The following ABI3BP variants were observed in gnomAD, a reference collection of about 807,000 sequenced individuals.
The protein encoded by ABI3BP is ABI family member 3 binding protein.
A neutral mutation model predicts 268.6 loss-of-function variants in ABI3BP; 216 were observed. The ratio of observed to expected loss-of-function variants is 0.80; its 90% CI spans 0.72 to 0.90. ABI3BP has a LOEUF of 0.90. Among genes scored for constraint, ABI3BP ranks in the 40% least tolerant of loss-of-function variants. The pLI is 0.00. For missense variants in ABI3BP, 2,090 were observed against 2,182.4 expected (o/e 0.96, Z 0.84); for synonymous variants, 730 against 730.0 (o/e 1.00, Z 0.00).
intron 19 of ABI3BP, 71 bp from the exon 20 acceptor site, chr3:100,846,517 G>A: frequency 1.8e-6 from 2 of 1,098,524 alleles, no homozygotes; most frequent in Non-Finnish European, 2.6e-6. Context: ...AAACACAGAA[G>A]GAAAACCTAG....
intron 57 of ABI3BP, among the ~76,000 whole-genome samples, chr3:100,780,439 G>A (rs2096834929): frequency 6.6e-6 from 1 of 152,056 alleles, no homozygotes; most frequent in African/African-American, 2.4e-5. Context: ...GTAAATTGTG[G>A]TTTTGTCCAA....
At chr3:100,957,821 T>A (rs2077355595) in intron 1 of ABI3BP, among the ~76,000 whole-genome samples, 1 of 152,200 alleles carries the variant, frequency 6.6e-6, no homozygotes, top group Non-Finnish European at 1.5e-5. Context: ...GTGAGGTACT[T>A]AGTGTAACTG....
chr3:100,964,312 T>C (rs567370592), intron 1 of ABI3BP, among the ~76,000 whole-genome samples: 10 of 152,324 alleles, frequency 6.6e-5, no homozygotes, highest in African/African-American at 2.4e-4. Flanking sequence ...ACCAGCCTTC[T>C]TTGGGCACTA....
rs1396543469 is a variant in ABI3BP at position 100,751,549 on chromosome 3, T to TA, written c.5245+2dup. The TA allele has an allele frequency of 3.2e-6, 5 of 1,584,288 alleles. No individual in the cohort carries two copies. The highest frequency in any genetic ancestry group is 4.3e-6 in the Non-Finnish European group (5 of 1,164,054). ...TTCTTATGAGGAGGATCAGAAAACATACCTTCTTTGATTGGTAACTGGTCA... is the reference window on the plus strand; with the variant it reads ...TTCTTATGAGGAGGATCAGAAAACATAACCTTCTTTGATTGGTAACTGGTCA... On this transcript the variant is annotated splice_region_variant and intron_variant, in intron 67 of 67. Transcript: ENST00000471714.
intron 6 of ABI3BP, among the ~76,000 whole-genome samples, chr3:100,881,411 TAA>T (rs2039190662): frequency 6.6e-6 from 1 of 152,134 alleles, no homozygotes; most frequent in Non-Finnish European, 1.5e-5. Context: ...ATAAAAAAGA[TAA>T]AAATAGATGT....
chr3:100,803,913 A>T (rs1311487850), intron 51 of ABI3BP, among the ~76,000 whole-genome samples: 2 of 152,192 alleles, frequency 1.3e-5, no homozygotes, highest in Non-Finnish European at 2.9e-5. Flanking sequence ...GGAAAACATT[A>T]TAGGAAGTGA....
chr3:100,759,124 T>C (rs9856442), intron 63 of ABI3BP, among the ~76,000 whole-genome samples: 7,720 of 152,232 alleles, frequency 0.051, 572 homozygotes, highest in African/African-American at 0.17. Context: ...GTCTTACAAA[T>C]CTCAAGCAAA....
At chr3:100,885,172 A>G (rs2041340553) in intron 6 of ABI3BP, among the ~76,000 whole-genome samples, 1 of 152,102 alleles carries the variant, frequency 6.6e-6, no homozygotes, top group Non-Finnish European at 1.5e-5. Flanking sequence ...AGAAAATAGA[A>G]AGGAAAGGTT....
chr3:100,828,282 G>T, intron 34 of ABI3BP, 111 bp downstream of exon 34: 3 of 921,116 alleles, frequency 3.3e-6, no homozygotes, highest in Non-Finnish European at 4.9e-6. Flanking sequence ...CTTGTTTTAT[G>T]CATGTTCAAC....
intron 64 of ABI3BP, 70 bp from the exon 65 acceptor site, chr3:100,753,918 G>T: frequency 6.9e-7 from 1 of 1,445,920 alleles, no homozygotes; most frequent in South Asian, 1.2e-5. Context: ...GCATGGTGAA[G>T]ATGATGGGGG....
In ABI3BP at chr3:100,811,212, G is replaced by A. The variant is rs1304936752; in HGVS notation, c.3541+18C>T. 2 of 1,530,458 alleles carry A rather than the reference G, an allele frequency of 1.3e-6. No homozygotes were observed. The highest frequency in any genetic ancestry group is 2.8e-5 in the African/African-American group (2 of 72,692). 94.8% of individuals were successfully genotyped at this position (1,530,458 alleles called of 1,614,324 possible). A position where few individuals can be genotyped will look rare whatever the true frequency, so the allele number is the denominator to read the frequency against. ...TGAAGACAGAGAGCACCCAGGGTTG[G>A]GCTACCGAGGTTATTACCTAGTGTG... On this transcript the variant is annotated intron_variant, in intron 48 of 67. Coordinates refer to ENST00000471714, the MANE Select transcript of ABI3BP (RefSeq NM_001375547.2).
chr3:100,795,916 T>C, intron 52 of ABI3BP, 65 bp from the exon 53 acceptor site: 1 of 1,154,648 alleles, frequency 8.7e-7, no homozygotes, highest in Non-Finnish European at 1.1e-6. Context: ...GTCAAAATAG[T>C]TTCCTTATTT....
In ABI3BP at chr3:100,811,254, A is replaced by G; in HGVS notation, c.3517T>C (p.Ser1173Pro). The change falls in exon 48 of 68, where the codon TCT (serine) becomes CCT (proline). Residue 1173 changes from serine (S) to proline (P), a missense_variant. Ser to Pro is a moderately conservative substitution (Grantham distance 74). Transcript: ENST00000471714. ...TEVVESITYV[S>P]EPPETTLETS... Reference sequence around the variant, plus strand: ...CCTAGTGTGGTCTCAGGTGGTTCAGATACATATGTAATAGATTCCACAACT... The same window carrying G: ...CCTAGTGTGGTCTCAGGTGGTTCAGGTACATATGTAATAGATTCCACAACT... 6.5e-7 allele frequency: 1 copy of G among 1,534,336 alleles called. No homozygotes were observed. The highest frequency in any genetic ancestry group is 8.7e-7 in the Non-Finnish European group (1 of 1,145,884).
intron 14 of ABI3BP, among the ~76,000 whole-genome samples, chr3:100,861,438 A>T (rs768448082): frequency 6.6e-6 from 1 of 152,194 alleles, no homozygotes; most frequent in African/African-American, 2.4e-5. Flanking sequence ...ACACTATATG[A>T]TATGTACCCC....
chr3:100,852,123 G>C (rs549455074), intron 14 of ABI3BP, among the ~76,000 whole-genome samples, 183 bp from the exon 15 acceptor site: 1 of 152,244 alleles, frequency 6.6e-6, no homozygotes, highest in Admixed American at 6.5e-5. Flanking sequence ...ACTCGCCTTT[G>C]GTCCTTTTTT....
chr3:100,820,215 T>C lies in ABI3BP; in HGVS notation c.3031+5A>G. The C allele has an allele frequency of 1.3e-6, 2 of 1,535,390 alleles. No homozygotes were observed. The highest frequency in any genetic ancestry group is 1.2e-5 in the South Asian group (1 of 83,974). On this transcript the variant is annotated splice_donor_5th_base_variant and intron_variant, in intron 40 of 67. Transcript: ENST00000471714. ...GAGCTACTTTAACCAGAAACCCAAATTTACCCAGTTTGGTTTGAGGAACCT... is the reference window on the plus strand; with the variant it reads ...GAGCTACTTTAACCAGAAACCCAAACTTACCCAGTTTGGTTTGAGGAACCT...
At chr3:100,842,912 A>G (rs1326027909) in intron 20 of ABI3BP, among the ~76,000 whole-genome samples, 2 of 152,238 alleles carry the variant, frequency 1.3e-5, no homozygotes, top group African/African-American at 4.8e-5. Flanking sequence ...AAAGAAACTA[A>G]TCAATGTGGC....
chr3:100,878,753 C>T (rs1247421425), intron 6 of ABI3BP, among the ~76,000 whole-genome samples: 2 of 152,318 alleles, frequency 1.3e-5, no homozygotes, highest in Non-Finnish European at 2.9e-5. Context: ...CTCACGAGCC[C>T]ACCTTAAGAG....
intron 8 of ABI3BP, among the ~76,000 whole-genome samples, chr3:100,875,154 CCA>C (rs1315819136): frequency 2.0e-5 from 3 of 152,152 alleles, no homozygotes; most frequent in Non-Finnish European, 4.4e-5. Context: ...GGCTTTTAAT[CCA>C]CAGACTCAAA....
Sources: allele counts gnomAD v4.1 joint callset (sites outside exome capture counted in the v4.1 genomes callset), GRCh38; gene constraint gnomAD v4.1.1; transcripts MANE v1.5; gene names NCBI Gene and HGNC (gene_info 2026-07-23, HGNC 2026-07-21).